Variants in EFCAB6 observed in about 807,000 individuals in gnomAD.
EFCAB6 encodes EF-hand calcium binding domain 6.
A neutral mutation model predicts 169.8 loss-of-function variants in EFCAB6; 156 were observed. That is an observed-to-expected ratio of 0.92 (90% CI 0.81 to 1.05). The LOEUF (loss-of-function observed/expected upper bound fraction) is 1.05, where lower values mean the gene tolerates loss of function less well. Ranked by LOEUF, EFCAB6 falls within the 50% of genes least tolerant of loss-of-function variation. The pLI is 0.00. For missense variants in EFCAB6, 1,800 were observed against 1,829.1 expected (o/e 0.98, Z 0.29); for synonymous variants, 698 against 676.4 (o/e 1.03, Z -0.50).
chr22:43,791,754 G>A (rs543238466), intron 2 of EFCAB6, among the ~76,000 whole-genome samples: 64 of 152,088 alleles, frequency 4.2e-4, no homozygotes, highest in Non-Finnish European at 7.8e-4. Flanking sequence ...AGAGGAGAAC[G>A]AGTGACAGTA....
chr22:43,598,366 A>ATTACCAGAGGCTAAT (rs1033268218), intron 23 of EFCAB6, among the ~76,000 whole-genome samples: 1 of 150,952 alleles, frequency 6.6e-6, no homozygotes, highest in East Asian at 1.9e-4. Context: ...TAAAGAGTAA[A>ATTACCAGAGGCTAAT]TTACCAGAGG....
intron 23 of EFCAB6, 41 bp downstream of exon 23, chr22:43,600,028 G>A (rs1415080155): frequency 2.5e-6 from 4 of 1,580,916 alleles, no homozygotes; most frequent in South Asian, 1.2e-5. Flanking sequence ...GATGTAAAAG[G>A]GGACTTCTAG....
chr22:43,618,359 G>A (rs539231106), intron 20 of EFCAB6, among the ~76,000 whole-genome samples: 71 of 152,166 alleles, frequency 4.7e-4, no homozygotes, highest in African/African-American at 1.7e-3. Context: ...ACAGCCGCAT[G>A]AAGACCTCAG....
At chr22:43,667,404 G>T in intron 16 of EFCAB6, 132 bp from the exon 17 acceptor site, 1 of 1,168,954 alleles carries the variant, frequency 8.6e-7, no homozygotes, top group Non-Finnish European at 1.2e-6. Context: ...TAGCTGGGAA[G>T]GGTGGAGTGA....
intron 10 of EFCAB6, among the ~76,000 whole-genome samples, chr22:43,699,195 C>T (rs1451748541): frequency 6.6e-6 from 1 of 152,146 alleles, no homozygotes; most frequent in Non-Finnish European, 1.5e-5. Context: ...GACTCTCATG[C>T]TCCTGGCTTT....
In EFCAB6 at chr22:43,537,814, G is replaced by A. The variant is rs2047468539; in HGVS notation, c.3880-269C>T. On this transcript the variant is annotated intron_variant, in intron 28 of 31. Transcript: ENST00000262726. The surrounding 1 kb of genome is among the most constrained non-coding windows in gnomAD (Gnocchi z 4.3). ...AGGTTCAAATCTACACAGATGAGAT[G>A]TAAACATATTTCTGCTGTGTGTGTG... Among the ~76,000 whole-genome samples, 1 of 150,136 alleles carries A rather than the reference G, an allele frequency of 6.7e-6. No individual in the cohort carries two copies. The highest frequency in any genetic ancestry group is 1.5e-5 in the Non-Finnish European group (1 of 67,492).
intron 17 of EFCAB6, among the ~76,000 whole-genome samples, chr22:43,643,236 A>C (rs2055921114): frequency 6.6e-6 from 1 of 152,260 alleles, no homozygotes; most frequent in South Asian, 2.1e-4. Context: ...GTTCTAAATG[A>C]GGAGATCAAA....
chr22:43,567,150 C>A (rs978122426), intron 26 of EFCAB6, among the ~76,000 whole-genome samples: 1 of 149,322 alleles, frequency 6.7e-6, no homozygotes, highest in Non-Finnish European at 1.5e-5. Context: ...TCATCCTCCT[C>A]GTCCTCCCCC....
chr22:43,635,218 T>C lies in EFCAB6; in HGVS notation c.1984-2A>G. 1 of 1,611,160 alleles carries C rather than the reference T, an allele frequency of 6.2e-7. No homozygotes were observed. The highest frequency in any genetic ancestry group is 8.5e-7 in the Non-Finnish European group (1 of 1,177,352). On this transcript the variant is annotated splice_acceptor_variant, in intron 17 of 31. Transcript: ENST00000262726. LOFTEE classifies it high-confidence loss of function. Reference sequence around the variant, plus strand: ...GGGCATCCCAGTGTCTTCCAGTACCTGACGAGGGAGACAGGGGAGGGTGGA... The same window carrying C: ...GGGCATCCCAGTGTCTTCCAGTACCCGACGAGGGAGACAGGGGAGGGTGGA...
chr22:43,802,693 C>T, intron 2 of EFCAB6: 2 of 506,056 alleles, frequency 4.0e-6, no homozygotes, highest in South Asian at 1.4e-5. Flanking sequence ...CTGATATTGG[C>T]AAGGAGGAGA....
intron 25 of EFCAB6, among the ~76,000 whole-genome samples, chr22:43,579,319 TCTACACGCAGGTATCATTCC>T (rs1288629955): frequency 4.9e-5 from 6 of 122,820 alleles, no homozygotes; most frequent in South Asian, 2.7e-4. Flanking sequence ...GGCATCATTC[TCTACACGCAGGTATCATTCC>T]CTACACGCAG....
At chr22:43,717,118 G>A (rs1425951248) in intron 8 of EFCAB6, 146 bp from the exon 9 acceptor site, 22 of 1,072,514 alleles carry the variant, frequency 2.1e-5, no homozygotes, top group Non-Finnish European at 2.5e-5. Context: ...TAATGGTGTT[G>A]AAATAACTGG....
chr22:43,749,843 G>A lies in EFCAB6; in HGVS notation c.507+5923C>T, dbSNP rs147494490. 4.6e-5 allele frequency among the ~76,000 whole-genome samples: 7 copies of A among 152,308 alleles called. No individual in the cohort carries two copies. In the East Asian group the frequency reaches 1.3e-3, roughly 29 times the overall value. ...TTGTTGAGTAACTTCTATGTGCCCA[G>A]CACTACGGTGAGTTCATTTTATATT... is the stretch of plus-strand genomic sequence containing the variant. On this transcript the variant is annotated intron_variant, in intron 6 of 31. Transcript: ENST00000262726.
At chr22:43,659,182 C>G (rs1235192224) in intron 17 of EFCAB6, among the ~76,000 whole-genome samples, 1 of 152,218 alleles carries the variant, frequency 6.6e-6, no homozygotes, top group Admixed American at 6.5e-5. Flanking sequence ...GTATCTGTGA[C>G]TCTTACTGTT....
chr22:43,709,947 G>A (rs1040248250), intron 10 of EFCAB6, among the ~76,000 whole-genome samples: 4 of 152,088 alleles, frequency 2.6e-5, no homozygotes, highest in African/African-American at 9.7e-5. Context: ...GGTGCTGTGG[G>A]GAATGGAGCC....
chr22:43,806,563 A>G (rs2062930866), intron 2 of EFCAB6, among the ~76,000 whole-genome samples: 1 of 152,142 alleles, frequency 6.6e-6, no homozygotes. Flanking sequence ...CAAACTCTTA[A>G]TTGTGGGGTA....
intron 27 of EFCAB6, among the ~76,000 whole-genome samples, chr22:43,545,472 C>A (rs147598532): frequency 1.3e-5 from 2 of 152,080 alleles, no homozygotes; most frequent in African/African-American, 2.4e-5. Flanking sequence ...GGAAGTACAG[C>A]GAATCATTAA....
At chr22:43,603,478 T>C (rs2052680175) in intron 22 of EFCAB6, among the ~76,000 whole-genome samples, 1 of 152,266 alleles carries the variant, frequency 6.6e-6, no homozygotes, top group Non-Finnish European at 1.5e-5. Flanking sequence ...CACTAATTTA[T>C]GACACAATCA....
chr22:43,801,338 T>C (rs1226853094), intron 2 of EFCAB6, among the ~76,000 whole-genome samples: 1 of 152,034 alleles, frequency 6.6e-6, no homozygotes, highest in African/African-American at 2.4e-5. Context: ...GCCAAAGGAA[T>C]TCAATCTGAA....
Sources: gnomAD v4.1 joint callset for allele counts (sites outside exome capture counted in the v4.1 genomes callset) on GRCh38, gnomAD v4.1.1 for gene constraint, Gnocchi (gnomAD v3.1) non-coding constraint, MANE v1.5 for transcripts, NCBI Gene and HGNC (gene_info 2026-07-23, HGNC 2026-07-21) for gene names.